The following DOK4 variants were observed in gnomAD, a reference collection of about 807,000 sequenced individuals.
DOK4 encodes docking protein 4, also known as downstream of tyrosine kinase 4.
A neutral mutation model predicts 40.1 loss-of-function variants in DOK4; 26 were observed. That is an observed-to-expected ratio of 0.65 (90% CI 0.48 to 0.90). DOK4 has a LOEUF of 0.90. DOK4 is among the 40% of genes least tolerant of loss of function. DOK4 has a pLI of 0.00. For missense variants in DOK4, 392 were observed against 437.2 expected (o/e 0.90, Z 0.92); for synonymous variants, 179 against 177.0 (o/e 1.01, Z -0.09).
At chr16:57,482,375 T>G (rs1466018873) in intron 1 of DOK4, among the ~76,000 whole-genome samples, 5 of 142,780 alleles carry the variant, frequency 3.5e-5, no homozygotes, top group African/African-American at 7.6e-5. Flanking sequence ...TTTTTTTTTT[T>G]TTTTTTTTTG....
intron 2 of DOK4, 48 bp from the exon 3 acceptor site, chr16:57,476,005 C>T (rs1359000490): frequency 1.3e-6 from 2 of 1,505,366 alleles, no homozygotes; most frequent in African/African-American, 2.8e-5. Flanking sequence ...CCACTCCCAC[C>T]CCACCAGCAT....
At chr16:57,486,376 G>A (rs1187751530) in exon 1 of DOK4, 1 of 151,538 alleles carries the variant, frequency 6.6e-6, no homozygotes, top group African/African-American at 2.4e-5. Context: ...CCGCGTCACG[G>A]CGCGGCTGGC....
In DOK4 at chr16:57,473,988, C is replaced by T. The variant is rs1404919627; in HGVS notation, c.651G>A (p.Glu217=). ...CACTGTGGACGCGCTGGTAAATCTG[C>T]TCCCCCTCTTGTGTCTGGAAGGTAT... is the stretch of plus-strand genomic sequence containing the variant. Residue 217 remains glutamate (E), a synonymous_variant, in exon 7 of 9, where the codon GAG becomes GAA. Coordinates refer to ENST00000340099, the Ensembl canonical transcript of DOK4. 6.2e-6 allele frequency: 10 copies of T among 1,614,016 alleles called. No individual in the cohort carries two copies. The South Asian group carries it at 9.9e-5, about 16-fold the overall frequency.
exon 9 of DOK4, chr16:57,473,064 T>G (rs1598047324): frequency 6.3e-6 from 2 of 315,412 alleles, no homozygotes; most frequent in East Asian, 5.9e-5. Flanking sequence ...ATTAAAAAAT[T>G]TGTGTGTATT....
At chr16:57,472,430 T>TGTGGGGAGGAGGAA (rs2030897581) in exon 9 of DOK4, 1 of 152,680 alleles carries the variant, frequency 6.5e-6, no homozygotes. Flanking sequence ...CTCAGCACCA[T>TGTGGGGAGGAGGAA]GTGGGGAGGA....
chr16:57,482,469 C>A (rs1438322153), intron 1 of DOK4, among the ~76,000 whole-genome samples: 1 of 150,928 alleles, frequency 6.6e-6, no homozygotes, highest in Non-Finnish European at 1.5e-5. Flanking sequence ...CGGGTTCACG[C>A]CATTCTCCTT....
At chr16:57,474,754 A>G in intron 6 of DOK4, 39 bp downstream of exon 6, 1 of 1,604,088 alleles carries the variant, frequency 6.2e-7, no homozygotes, top group Non-Finnish European at 8.5e-7. Context: ...CCACCATCAC[A>G]CCATAGTAGG....
At chr16:57,476,427 G>A (rs192297333) in intron 2 of DOK4, 2,832 of 163,966 alleles carry the variant, frequency 0.017, 64 homozygotes, top group Non-Finnish European at 0.021. Flanking sequence ...TAGATCCAGG[G>A]CAGACCCTCA....
chr16:57,480,773 G>A (rs538975293), intron 1 of DOK4, among the ~76,000 whole-genome samples: 1 of 152,306 alleles, frequency 6.6e-6, no homozygotes, highest in Non-Finnish European at 1.5e-5. Flanking sequence ...AGACTCAGGG[G>A]GAGGCTCAGT....
chr16:57,473,927 G>C (rs772739486), exon 7 of DOK4: 2 of 1,598,122 alleles, frequency 1.3e-6, no homozygotes, highest in South Asian at 1.1e-5. Context: ...ATTTCCAGCA[G>C]GACCCGCTTG....
At chr16:57,475,688 CTCTCT>C (rs2031130602) in intron 3 of DOK4, 68 bp from the exon 4 acceptor site, 6 of 878,020 alleles carry the variant, frequency 6.8e-6, no homozygotes, top group African/African-American at 3.8e-5. Context: ...CTCTCTCTCT[CTCTCT>C]CTCCCTCCCT....
Position 57,475,614 on chromosome 16 carries a change from C to A in DOK4, c.181G>T (p.Glu61Ter). ...GTAACACACTTGACGTTGCTGATCT[C>A]AGTCACCTGGGACAGCATCCACAAG... Residue 61 changes from glutamate to a stop codon, truncating the protein, a stop_gained, in exon 4 of 9, where the codon GAG becomes TAG. Transcript: ENST00000340099. LOFTEE classifies it high-confidence loss of function. 1 of 1,601,210 alleles carries A rather than the reference C, an allele frequency of 6.2e-7. No homozygotes were observed.
intron 6 of DOK4, 103 bp from the exon 7 acceptor site, chr16:57,474,142 C>T: frequency 6.6e-7 from 1 of 1,521,600 alleles, no homozygotes; most frequent in South Asian, 1.2e-5. Context: ...GCATTCCAGG[C>T]CGGGAGGACA....
intron 7 of DOK4, 67 bp from the exon 8 acceptor site, chr16:57,473,803 AC>A: frequency 2.5e-6 from 4 of 1,589,004 alleles, no homozygotes; most frequent in Non-Finnish European, 3.4e-6. Flanking sequence ...CCACCCCAAG[AC>A]CCTACCTGCC....
In DOK4 at chr16:57,479,313, C is replaced by G. The variant is rs1415799659; in HGVS notation, c.66+129G>C. ...AGCACGCTGGCGAGGAGCCCCGAGA[C>G]CACAGATGCACGATGCCCGGCAGCC... On this transcript the variant is annotated intron_variant, in intron 2 of 8. Coordinates refer to ENST00000340099, the Ensembl canonical transcript of DOK4. This position sits in a 1 kb window ranked among gnomAD's most constrained non-coding sequence, Gnocchi z 5.8. 2.9e-6 allele frequency: 3 copies of G among 1,039,138 alleles called. No homozygotes were observed. The African/African-American group carries it at 4.8e-5, about 17-fold the overall frequency. 64.4% of individuals were successfully genotyped at this position (1,039,138 alleles called of 1,614,324 possible). A position where few individuals can be genotyped will look rare whatever the true frequency, so the allele number is the denominator to read the frequency against.
Position 57,475,830 on chromosome 16 carries a change from T to G in DOK4, c.174+20A>C. The G allele has an allele frequency of 3.1e-6, 5 of 1,596,778 alleles. No individual in the cohort carries two copies. In the South Asian group the frequency reaches 4.4e-5, roughly 14 times the overall value. On this transcript the variant is annotated intron_variant, in intron 3 of 8. Transcript: ENST00000340099. The stretch of plus-strand genomic sequence containing the variant: ...CCACAGCCCTGCCACTTGGGGGAGC[T>G]AGGGCCCAGGCCTCCTAACCTTGGG...
At chr16:57,484,190 T>TGAGC (rs376857877) in intron 1 of DOK4, 3 of 152,728 alleles carry the variant, frequency 2.0e-5, no homozygotes, top group Non-Finnish European at 4.4e-5. Flanking sequence ...AACCAATGAC[T>TGAGC]GAGCGAGCGG....
chr16:57,477,571 G>T (rs2031235577), intron 2 of DOK4, among the ~76,000 whole-genome samples: 1 of 152,244 alleles, frequency 6.6e-6, no homozygotes, highest in Non-Finnish European at 1.5e-5. Context: ...GGGGCAGAAG[G>T]CCTGGGGGCC....
intron 2 of DOK4, among the ~76,000 whole-genome samples, chr16:57,477,195 T>A (rs1366346386): frequency 6.6e-6 from 1 of 152,010 alleles, no homozygotes; most frequent in Non-Finnish European, 1.5e-5. Context: ...GCAGGCAGGG[T>A]CCCAGGGTGC....
Sources: allele counts gnomAD v4.1 joint callset (sites outside exome capture counted in the v4.1 genomes callset), GRCh38; gene constraint gnomAD v4.1.1; non-coding constraint Gnocchi (gnomAD v3.1); transcripts MANE v1.5; gene names NCBI Gene and HGNC (gene_info 2026-07-23, HGNC 2026-07-21).